The following IFI27L2 variants were observed in gnomAD, a reference collection of about 807,000 sequenced individuals.
IFI27L2 encodes interferon alpha-inducible protein 27-like protein 2.
IFI27L2 carries 8 observed loss-of-function variants against 7.9 expected under a neutral mutation model. That is an observed-to-expected ratio of 1.02 (90% CI 0.60 to 1.84). The LOEUF (loss-of-function observed/expected upper bound fraction) is 1.84. Among genes scored for constraint, IFI27L2 ranks in the 40% most tolerant of loss-of-function variants. The pLI is 0.00. For synonymous variants in IFI27L2, 56 were observed against 66.5 expected, an observed-to-expected ratio of 0.84 and a Z score of 0.77; for missense variants, 190 against 165.8, an observed-to-expected ratio of 1.15 and a Z score of -0.80.
intron 1 of IFI27L2, 72 bp downstream of exon 1, chr14:94,129,486 C>A: frequency 7.0e-7 from 1 of 1,438,164 alleles, no homozygotes; most frequent in Non-Finnish European, 9.8e-7. Flanking sequence ...ATTCCCTGTC[C>A]CTTCCTGGGC....
chr14:94,128,563 G>C lies in IFI27L2; in HGVS notation c.150C>G (p.Asn50Lys). The C allele has an allele frequency of 6.2e-7, 1 of 1,614,138 alleles. No homozygotes were observed. The highest frequency in any genetic ancestry group is 1.1e-5 in the South Asian group (1 of 91,086). The part of the protein sequence containing the change: ...AKMMSAAAIA[N>K]GGGVSAGSLV... The stretch of plus-strand genomic sequence containing the variant: ...GGCTCCCCGCAGAAACACCACCCCC[G>C]TTGGCAATGGCTGCTGCGGACATCA... Residue 50 changes from asparagine to lysine, a missense_variant, in exon 3 of 4, where the codon AAC becomes AAG. By Grantham distance (94) the Asn-to-Lys change is moderately conservative. Transcript: ENST00000238609.
rs768881541 is a variant in IFI27L2, at chr14:94,127,960, G to T, written c.232C>A (p.Leu78Ile). 1.2e-6 allele frequency: 2 copies of T among 1,613,690 alleles called. No homozygotes were observed. Among genetic ancestry groups the T allele is most frequent in the Admixed American group, 3.3e-5 (2 of 60,016 alleles). ...AAGLSTSSNI[L>I]LASVGSVLGA... ...AACACTGACCCAACAGAGGCCAGGA[G>T]GATGTTGGATGATGTGGAGAGTCCA... Residue 78 changes from leucine (L) to isoleucine (I), a missense_variant, in exon 4 of 4, where the codon CTC (leucine) becomes ATC (isoleucine). Coordinates refer to ENST00000238609, the MANE Select transcript of IFI27L2 (RefSeq NM_032036.3).
rs920358606 is a variant in IFI27L2 at position 94,127,948 on chromosome 14, C to T, written c.244G>A (p.Val82Ile). 1 of 1,613,822 alleles carries T rather than the reference C, an allele frequency of 6.2e-7. No homozygotes were observed. The highest frequency in any genetic ancestry group is 8.5e-7 in the Non-Finnish European group (1 of 1,179,950). ...STSSNILLAS[V>I]GSVLGACLGN... ...AAGCAGGCCCCCAACACTGACCCAA[C>T]AGAGGCCAGGAGGATGTTGGATGAT... The change falls in exon 4 of 4, where the codon GTT (valine) becomes ATT (isoleucine). Residue 82 changes from valine (V) to isoleucine (I), a missense_variant. Val to Ile is a conservative substitution (Grantham distance 29, BLOSUM62 3). Transcript: ENST00000238609.
In IFI27L2 at chr14:94,127,856, AT is replaced by A; in HGVS notation, c.335del (p.Asn112MetfsTer?). ...PEAKEDEARENVPQGEPPKPP... is the reference protein window; with the variant it reads ...PEAKEDEAREXVPQGEPPKPP... ...GTTTTGGAGGTTCACCTTGGGGTAC[AT>A]TTTCTCTTGCCTCATCTTCTTTAGC... On this transcript the variant is annotated frameshift_variant, in exon 4 of 4. Transcript: ENST00000238609. LOFTEE classifies it low-confidence loss of function (END_TRUNC). 6.2e-7 allele frequency: 1 copy of A among 1,614,060 alleles called. No individual in the cohort carries two copies. Among genetic ancestry groups the A allele is most frequent in the Non-Finnish European group, 8.5e-7 (1 of 1,179,992 alleles).
At chr14:94,128,337 C>G (rs1266903978) in intron 3 of IFI27L2, 177 bp downstream of exon 3, 3 of 629,234 alleles carry the variant, frequency 4.8e-6, no homozygotes, top group Non-Finnish European at 8.3e-6. Flanking sequence ...CCCATCACCC[C>G]TCCACTCCTA....
chr14:94,128,969 G>A (rs879813850), intron 2 of IFI27L2: 3 of 583,538 alleles, frequency 5.1e-6, no homozygotes, highest in African/African-American at 1.9e-5. Flanking sequence ...GTGTGTGTGT[G>A]TGTGTGTCCA....
At chr14:94,128,396 G>A in intron 3 of IFI27L2, 118 bp downstream of exon 3, 1 of 871,568 alleles carries the variant, frequency 1.1e-6, no homozygotes, top group Non-Finnish European at 1.8e-6. Flanking sequence ...GTGAGGGAGA[G>A]ACTGAAGACC....
At chr14:94,129,338 A>G (rs1365339683) in intron 1 of IFI27L2, 47 bp from the exon 2 acceptor site, 6 of 1,341,182 alleles carry the variant, frequency 4.5e-6, no homozygotes, top group Non-Finnish European at 6.2e-6. Context: ...GGGAAAGGGG[A>G]GAAAGAGGAG....
intron 3 of IFI27L2, 71 bp from the exon 4 acceptor site, chr14:94,128,063 C>T (rs1887617509): frequency 9.4e-6 from 10 of 1,068,942 alleles, no homozygotes; most frequent in Non-Finnish European, 1.4e-5. Context: ...ATCCCTCCTC[C>T]AGGTCCTGAA....
At chr14:94,128,723 ACCCTTCC>A in intron 2 of IFI27L2, 48 bp from the exon 3 acceptor site, 1 of 1,506,142 alleles carries the variant, frequency 6.6e-7, no homozygotes, top group Non-Finnish European at 9.0e-7. Context: ...AGGAGAAGGG[ACCCTTCC>A]CCCCGCCCCC....
intron 2 of IFI27L2, 62 bp from the exon 3 acceptor site, chr14:94,128,737 C>A: frequency 1.4e-6 from 2 of 1,410,962 alleles, no homozygotes; most frequent in Non-Finnish European, 1.9e-6. Flanking sequence ...TTCCCCCCGC[C>A]CCCCGCTTAG....
At chr14:94,129,164 G>A in intron 2 of IFI27L2, 98 bp downstream of exon 2, 1 of 925,118 alleles carries the variant, frequency 1.1e-6, no homozygotes, top group Non-Finnish European at 1.7e-6. Flanking sequence ...CGGAAGTGGA[G>A]GGTGAGAGCC....
intron 1 of IFI27L2, 82 bp downstream of exon 1, chr14:94,129,476 A>C: frequency 7.3e-7 from 1 of 1,368,266 alleles, no homozygotes; most frequent in Non-Finnish European, 1.0e-6. Context: ...GAATGAAGCT[A>C]TTCCCTGTCC....
chr14:94,127,963 T>C lies in IFI27L2; in HGVS notation c.229A>G (p.Ile77Val), dbSNP rs761862608. The change falls in exon 4 of 4, where the codon ATC becomes GTC. Residue 77 changes from isoleucine (I) to valine (V), a missense_variant. Ile to Val is a conservative substitution (Grantham distance 29). Transcript: ENST00000238609. ...GAAGLSTSSN[I>V]LLASVGSVLG... The stretch of plus-strand genomic sequence containing the variant: ...ACTGACCCAACAGAGGCCAGGAGGA[T>C]GTTGGATGATGTGGAGAGTCCAGCT... 1.9e-6 allele frequency: 3 copies of C among 1,613,474 alleles called. 1 individual carries two copies. The Admixed American group carries it at 5.0e-5, about 27-fold the overall frequency.
chr14:94,128,562 C>T lies in IFI27L2; in HGVS notation c.151G>A (p.Gly51Arg), dbSNP rs1391296580. The T allele has an allele frequency of 8.1e-6, 13 of 1,614,090 alleles. No individual in the cohort carries two copies. The highest frequency in any genetic ancestry group is 2.2e-5 in the South Asian group (2 of 91,088). The change falls in exon 3 of 4, where the codon GGG becomes AGG. Residue 51 changes from glycine to arginine, a missense_variant. By Grantham distance (125) the Gly-to-Arg change is moderately radical (BLOSUM62 -2). Transcript: ENST00000238609. ...AGGCTCCCCGCAGAAACACCACCCCCGTTGGCAATGGCTGCTGCGGACATC... is the reference window on the plus strand; with the variant it reads ...AGGCTCCCCGCAGAAACACCACCCCTGTTGGCAATGGCTGCTGCGGACATC... ...KMMSAAAIAN[G>R]GGVSAGSLVA...
intron 1 of IFI27L2, 30 bp from the exon 2 acceptor site, chr14:94,129,321 G>A (rs372824327): frequency 6.3e-7 from 1 of 1,599,784 alleles, no homozygotes; most frequent in Admixed American, 1.7e-5. Context: ...GGAAGGCAGA[G>A]GGAGATGGGA....
At chr14:94,128,955 G>A in intron 2 of IFI27L2, 2 of 578,130 alleles carry the variant, frequency 3.5e-6, no homozygotes, top group Non-Finnish European at 6.2e-6. Flanking sequence ...TTGTGTGTGT[G>A]TGTGTGTGTG....
intron 2 of IFI27L2, 102 bp from the exon 3 acceptor site, chr14:94,128,777 AGCTTG>A: frequency 4.1e-6 from 4 of 978,218 alleles, no homozygotes; most frequent in Non-Finnish European, 4.5e-6. Flanking sequence ...GGAGACTGTC[AGCTTG>A]AGCAATACAG....
chr14:94,129,432 G>C, intron 1 of IFI27L2, 126 bp downstream of exon 1: 5 of 1,075,090 alleles, frequency 4.7e-6, no homozygotes, highest in Non-Finnish European at 7.2e-6. Flanking sequence ...GGAGGGAGAG[G>C]GAGTCAGTAG....
Sources: allele counts gnomAD v4.1 joint callset, GRCh38; gene constraint gnomAD v4.1.1; transcripts MANE v1.5; gene names NCBI Gene and HGNC (gene_info 2026-07-23, HGNC 2026-07-21).